The following NAALADL2 variants were observed in gnomAD, a reference collection of about 807,000 sequenced individuals.
The protein encoded by NAALADL2 is N-acetylated alpha-linked acidic dipeptidase like 2.
A neutral mutation model predicts 87.2 loss-of-function variants in NAALADL2; 76 were observed. The observed-to-expected ratio is 0.87, with a 90% CI of 0.72 to 1.05. The LOEUF (loss-of-function observed/expected upper bound fraction) is 1.05, where lower values mean the gene tolerates loss of function less well. Ranked by LOEUF, NAALADL2 falls within the 50% of genes least tolerant of loss-of-function variation. NAALADL2 has a pLI of 0.00. For synonymous variants in NAALADL2, 354 were observed against 331.0 expected, an observed-to-expected ratio of 1.07 and a Z score of -0.75; for missense variants, 1,089 against 945.8, an observed-to-expected ratio of 1.15 and a Z score of -1.99.
rs549106434 is a variant in NAALADL2, at chr3:175,783,548, A to G, written c.2190-19457A>G. ...GAATGCTTGTGATTTTTGTACATTG[A>G]TTTTTTATCCTGAGACTTTGCTGAA... is the stretch of plus-strand genomic sequence containing the variant. On this transcript the variant is annotated intron_variant, in intron 13 of 13. Coordinates refer to ENST00000454872, the MANE Select transcript of NAALADL2 (RefSeq NM_207015.3). 4.0e-3 allele frequency among the ~76,000 whole-genome samples: 602 copies of G among 150,640 alleles called. 8 individuals carry two copies. The highest frequency in any genetic ancestry group is 0.014 in the African/African-American group (569 of 40,178).
intron 4 of NAALADL2, among the ~76,000 whole-genome samples, chr3:175,305,566 A>G (rs1027855161): frequency 6.6e-6 from 1 of 151,562 alleles, no homozygotes; most frequent in African/African-American, 2.4e-5. Flanking sequence ...CTTGTTGTCC[A>G]GGCTGGAGTG....
Position 174,472,416 on chromosome 3 carries a change from G to A in NAALADL2, c.-184+31384G>A, listed in dbSNP as rs149464124. On this transcript the variant is annotated intron_variant, in intron 1 of 3. Transcript: ENST00000434257. ...AAAGATGGCCCTGGGAACAGTACTT[G>A]TCTTCAGAAAGTACCAATATGAGTG... Among the ~76,000 whole-genome samples the A allele has an allele frequency of 9.7e-3, 1,479 of 152,298 alleles. 31 individuals are homozygous for A. The highest frequency in any genetic ancestry group is 0.034 in the African/African-American group (1,421 of 41,570).
intron 1 of NAALADL2, among the ~76,000 whole-genome samples, chr3:174,971,665 C>G (rs1384838925): frequency 6.9e-6 from 1 of 144,724 alleles, no homozygotes. Flanking sequence ...GTATGCTAGA[C>G]TGTGTGTGTG....
intron 4 of NAALADL2, among the ~76,000 whole-genome samples, chr3:175,318,852 T>C (rs1759483455): frequency 6.6e-6 from 1 of 152,234 alleles, no homozygotes; most frequent in Admixed American, 6.5e-5. Flanking sequence ...TTTCAACTTT[T>C]TGAGAATGTC....
At chr3:175,106,613 T>C (rs1723200755) in intron 2 of NAALADL2, among the ~76,000 whole-genome samples, 1 of 152,112 alleles carries the variant, frequency 6.6e-6, no homozygotes, top group African/African-American at 2.4e-5. Flanking sequence ...ACACTCATGC[T>C]ATAGAAAAGT....
intron 10 of NAALADL2, among the ~76,000 whole-genome samples, chr3:175,621,957 A>T (rs1268849070): frequency 6.6e-6 from 1 of 152,180 alleles, no homozygotes; most frequent in Admixed American, 6.5e-5. Context: ...TTGAACTCAT[A>T]GTTTTCTAGA....
chr3:175,686,769 G>T (rs145012333), intron 11 of NAALADL2, among the ~76,000 whole-genome samples: 10 of 151,934 alleles, frequency 6.6e-5, no homozygotes, highest in Non-Finnish European at 1.0e-4. Context: ...CATTTTTTCC[G>T]TGACTATTTG....
intron 2 of NAALADL2, among the ~76,000 whole-genome samples, chr3:174,646,500 A>T (rs1374840): frequency 0.3 from 46,212 of 151,882 alleles, 8,079 homozygotes; most frequent in Middle Eastern, 0.47. Context: ...ACATATTAAC[A>T]TACATTAATT....
intron 1 of NAALADL2, among the ~76,000 whole-genome samples, chr3:174,459,955 G>A (rs535600413): frequency 2.6e-5 from 4 of 152,216 alleles, no homozygotes; most frequent in Non-Finnish European, 5.9e-5. Flanking sequence ...TAGATTATAT[G>A]ACTTTATGAG....
chr3:174,845,579 C>A (rs2109443955), intron 3 of NAALADL2, among the ~76,000 whole-genome samples: 1 of 152,330 alleles, frequency 6.6e-6, no homozygotes, highest in South Asian at 2.1e-4. Flanking sequence ...GCAAGGCCAC[C>A]TCCATGCAGG....
intron 1 of NAALADL2, among the ~76,000 whole-genome samples, chr3:174,448,069 T>C (rs866767602): frequency 3.9e-5 from 6 of 152,310 alleles, no homozygotes; most frequent in African/African-American, 1.4e-4. Context: ...TTCTTTATTT[T>C]CCTCTGGCAT....
chr3:174,677,753 T>C (rs1727175064), intron 2 of NAALADL2, among the ~76,000 whole-genome samples: 1 of 152,042 alleles, frequency 6.6e-6, no homozygotes, highest in African/African-American at 2.4e-5. Context: ...AACTCATGCC[T>C]GAATGAAGCT....
chr3:175,354,879 T>TAC (rs879346024), intron 5 of NAALADL2, among the ~76,000 whole-genome samples: 101 of 116,988 alleles, frequency 8.6e-4, no homozygotes, highest in Admixed American at 5.1e-3. Context: ...CATACATATA[T>TAC]ATACACACAC....
intron 1 of NAALADL2, among the ~76,000 whole-genome samples, chr3:174,862,585 T>C (rs1225383649): frequency 6.6e-6 from 1 of 152,116 alleles, no homozygotes; most frequent in African/African-American, 2.4e-5. Flanking sequence ...GGAATCCAGT[T>C]TCCATGAGCT....
intron 1 of NAALADL2, among the ~76,000 whole-genome samples, chr3:175,008,456 C>T (rs1253746711): frequency 2.6e-5 from 4 of 152,154 alleles, no homozygotes; most frequent in Non-Finnish European, 5.9e-5. Flanking sequence ...TTCTACCACA[C>T]TTAACTAAAA....
chr3:174,582,614 C>T (rs551865330), intron 2 of NAALADL2, among the ~76,000 whole-genome samples: 1 of 152,196 alleles, frequency 6.6e-6, no homozygotes, highest in East Asian at 1.9e-4. Context: ...TGGAGTCTCA[C>T]TTTGTTGCCC....
intron 1 of NAALADL2, among the ~76,000 whole-genome samples, chr3:174,463,457 A>T (rs1716330792): frequency 6.6e-6 from 1 of 152,194 alleles, no homozygotes; most frequent in African/African-American, 2.4e-5. Context: ...ATTTTCTTAA[A>T]TTATTTGTTT....
In NAALADL2 at chr3:174,588,067, T is replaced by C. The variant is rs570123979; in HGVS notation, c.-115+37430T>C. ...CCATATTTCTTGGAGGCTTTGTTTG[T>C]TTCTTTTTACTCTTTTTTCTGTAAA... On this transcript the variant is annotated intron_variant, in intron 2 of 3. Coordinates refer to the NAALADL2 transcript ENST00000434257. 2.0e-5 allele frequency among the ~76,000 whole-genome samples: 3 copies of C among 152,240 alleles called. No homozygotes were observed. In the South Asian group the frequency reaches 6.2e-4, roughly 32 times the overall value.
chr3:175,772,171 A>T (rs1419234383), intron 13 of NAALADL2, among the ~76,000 whole-genome samples: 2 of 152,188 alleles, frequency 1.3e-5, no homozygotes, highest in Non-Finnish European at 1.5e-5. Flanking sequence ...TGCAGTCAAC[A>T]TTCAGCTCAA....
Sources: allele counts gnomAD v4.1 joint callset (sites outside exome capture counted in the v4.1 genomes callset), GRCh38; gene constraint gnomAD v4.1.1; transcripts MANE v1.5; gene names NCBI Gene and HGNC (gene_info 2026-07-23, HGNC 2026-07-21).